The following AKT3 variants were observed in gnomAD, a reference collection of about 807,000 sequenced individuals.
AKT3 encodes the protein AKT serine/threonine kinase 3.
Under a neutral mutation model 65.3 loss-of-function variants are expected in AKT3, and 15 were observed. The ratio of observed to expected loss-of-function variants is 0.23; its 90% confidence interval spans 0.15 to 0.35. The LOEUF (loss-of-function observed/expected upper bound fraction) is 0.35, where lower values mean the gene tolerates loss of function less well. Ranked by LOEUF, AKT3 falls within the 10% of genes least tolerant of loss-of-function variation. AKT3 has a pLI of 1.00. For synonymous variants in AKT3, 206 were observed against 183.8 expected (o/e 1.12, Z -0.98); for missense variants, 243 against 576.5 (o/e 0.42, Z 5.92).
chr1:243,803,303 C>A (rs192871232), intron 2 of AKT3, among the ~76,000 whole-genome samples: 1 of 152,256 alleles, frequency 6.6e-6, no homozygotes, highest in East Asian at 1.9e-4. Flanking sequence ...ACCTTCTCTT[C>A]CATCATACTG....
At chr1:243,493,584 G>A (rs1667093327) in intron 13 of AKT3, among the ~76,000 whole-genome samples, 2 of 152,140 alleles carry the variant, frequency 1.3e-5, no homozygotes, top group East Asian at 1.9e-4. Flanking sequence ...AATCTGGGGA[G>A]TGATTCCCTT....
At position 243,512,350 on chromosome 1, in the gene AKT3, G is replaced by C; in HGVS notation, c.1328C>G (p.Thr443Ser). ...TTTTTCAGGTGGTGTTATTGTAATA[G>C]TCTGAGCTGTAAATTCTTCATCAAA... ...RYFDEEFTAQTITITPPEKYD... is the reference protein window; with the variant it reads ...RYFDEEFTAQSITITPPEKYD... Residue 443 changes from threonine to serine, a missense_variant, in exon 13 of 14, where the codon ACT (threonine) becomes AGT (serine). Transcript: ENST00000673466. The C allele has an allele frequency of 6.4e-7, 1 of 1,566,606 alleles. No individual in the cohort carries two copies. Among genetic ancestry groups the C allele is most frequent in the South Asian group, 1.2e-5 (1 of 86,122 alleles).
chr1:243,637,617 A>G lies in AKT3; in HGVS notation c.555T>C (p.Ile185=). ...ACTTTAATAAATCAGTTACCTTTGC[A>G]ATAATGACTTCTTTCTTCAGAATCT... ...AMKILKKEVI[I]AKDEVAHTLT... Residue 185 remains isoleucine, a synonymous_variant, in exon 6 of 14, where the codon ATT becomes ATC. Transcript: ENST00000673466. 1 of 1,594,776 alleles carries G rather than the reference A, an allele frequency of 6.3e-7. No homozygotes were observed. The highest frequency in any genetic ancestry group is 8.5e-7 in the Non-Finnish European group (1 of 1,172,144).
At chr1:243,645,075 T>C (rs1374479260) in intron 5 of AKT3, among the ~76,000 whole-genome samples, 1 of 152,146 alleles carries the variant, frequency 6.6e-6, no homozygotes, top group Admixed American at 6.6e-5. Context: ...AAGTTTAACG[T>C]GGAAAAGGGA....
At chr1:243,654,724 C>T (rs1468967725) in intron 4 of AKT3, among the ~76,000 whole-genome samples, 1 of 152,146 alleles carries the variant, frequency 6.6e-6, no homozygotes, top group African/African-American at 2.4e-5. Context: ...ATCATTTCAT[C>T]ATCTTTGGAA....
In AKT3 at chr1:243,503,506, T is replaced by C; in HGVS notation, c.*1743A>G. ...GATCACTCCGCGGAGTAGGATGGCC[T>C]TCTGCTTGCCGCAAGAGTGGCCCCC... On this transcript the variant is annotated 3_prime_UTR_variant, in exon 14 of 14. Transcript: ENST00000673466. 1 of 233,368 alleles carries C rather than the reference T, an allele frequency of 4.3e-6. No individual in the cohort carries two copies. The highest frequency in any genetic ancestry group is 8.5e-6 in the Non-Finnish European group (1 of 117,858). 14.5% of individuals were successfully genotyped at this position (233,368 alleles called of 1,614,324 possible). A position where few individuals can be genotyped will look rare whatever the true frequency, so the allele number is the denominator to read the frequency against.
At chr1:243,640,244 A>G (rs1680272598) in intron 5 of AKT3, among the ~76,000 whole-genome samples, 1 of 152,220 alleles carries the variant, frequency 6.6e-6, no homozygotes, top group Non-Finnish European at 1.5e-5. Context: ...AATAACAGGT[A>G]ATATTAGATT....
intron 2 of AKT3, among the ~76,000 whole-genome samples, chr1:243,801,234 G>C (rs1002988271): frequency 3.9e-5 from 6 of 152,136 alleles, no homozygotes; most frequent in Non-Finnish European, 5.9e-5. Flanking sequence ...TTGAATGAAT[G>C]AATGAATATT....
intron 5 of AKT3, among the ~76,000 whole-genome samples, chr1:243,641,352 CT>C (rs1056242429): frequency 1.3e-4 from 20 of 151,062 alleles, no homozygotes; most frequent in African/African-American, 4.9e-4. Flanking sequence ...TTCTGTCCCT[CT>C]AGAGAACCCT....
chr1:243,795,462 G>GTTTTTTTTTTTTTGTTTTTTTTTTTTTT (rs1233986150), intron 2 of AKT3, among the ~76,000 whole-genome samples: 1 of 105,400 alleles, frequency 9.5e-6, no homozygotes, highest in Non-Finnish European at 1.9e-5. Context: ...TTTTTTTTTT[G>GTTTTTTTTTTTTTGTTTTTTTTTTTTTT]TTTTTTTTTT....
chr1:243,596,606 G>C (rs1181134654), intron 8 of AKT3, among the ~76,000 whole-genome samples: 1 of 152,138 alleles, frequency 6.6e-6, no homozygotes, highest in Non-Finnish European at 1.5e-5. Context: ...TGAGGGTGCA[G>C]AACACCTAAA....
chr1:243,488,458 C>A, intron 13 of AKT3: 3 of 168,872 alleles, frequency 1.8e-5, no homozygotes, highest in South Asian at 1.5e-4. Context: ...CGACTGTGGA[C>A]AGATGAGGAT....
intron 3 of AKT3, among the ~76,000 whole-genome samples, chr1:243,690,087 T>C (rs1243512948): frequency 6.6e-6 from 1 of 151,856 alleles, no homozygotes; most frequent in African/African-American, 2.4e-5. Context: ...ATTGTCAGGG[T>C]GGGACAATAT....
intron 2 of AKT3, among the ~76,000 whole-genome samples, chr1:243,723,352 C>G (rs568116906): frequency 6.6e-6 from 1 of 152,262 alleles, no homozygotes; most frequent in South Asian, 2.1e-4. Flanking sequence ...TTTTCTTTTT[C>G]TATATGTCCT....
rs1338675949 is a variant in AKT3 at position 243,795,451 on chromosome 1, T to TTTG, written c.46+47673_46+47674insCAA. Among the ~76,000 whole-genome samples, 81 of 128,808 alleles carry TTTG rather than the reference T, an allele frequency of 6.3e-4. 1 individual carries two copies. Among genetic ancestry groups the TTTG allele is most frequent in the African/African-American group, 2.6e-3 (77 of 29,858 alleles). 84.5% of individuals were successfully genotyped at this position (128,808 alleles called of 152,430 possible). A position where few individuals can be genotyped will look rare whatever the true frequency, so the allele number is the denominator to read the frequency against. ...CGTAGGTTTCCCTTGATCTCCTTGT[T>TTTG]TTTTTTTTTTGTTTTTTTTTTTTGG... On this transcript the variant is annotated intron_variant, in intron 2 of 13. Coordinates refer to ENST00000673466, the MANE Select transcript of AKT3 (RefSeq NM_005465.7).
At chr1:243,633,352 AT>A (rs1414058024) in intron 6 of AKT3, among the ~76,000 whole-genome samples, 4 of 152,238 alleles carry the variant, frequency 2.6e-5, no homozygotes, top group African/African-American at 7.2e-5. Context: ...ACACAAAAAA[AT>A]ATAAAAGCTA....
downstream of AKT3, among the ~76,000 whole-genome samples, chr1:243,495,918 T>G (rs909525024): frequency 1.7e-4 from 26 of 152,134 alleles, no homozygotes; most frequent in Non-Finnish European, 3.1e-4. Context: ...GTCTGGACTT[T>G]GAGGTCAAAC....
chr1:243,595,982 G>A (rs1391876048), intron 8 of AKT3, among the ~76,000 whole-genome samples: 1 of 152,176 alleles, frequency 6.6e-6, no homozygotes, highest in Non-Finnish European at 1.5e-5. Flanking sequence ...CGGCAGCACA[G>A]GTTTGCTTAC....
chr1:243,529,837 T>C (rs1005844132), intron 12 of AKT3, among the ~76,000 whole-genome samples: 11 of 152,140 alleles, frequency 7.2e-5, no homozygotes, highest in Non-Finnish European at 4.4e-5. Flanking sequence ...TTGTGAAGAC[T>C]GTCCTTGGTA....
Sources: allele counts gnomAD v4.1 joint callset (sites outside exome capture counted in the v4.1 genomes callset), GRCh38; gene constraint gnomAD v4.1.1; transcripts MANE v1.5; gene names NCBI Gene and HGNC (gene_info 2026-07-23, HGNC 2026-07-21).